Variants in ANKRD62 observed in about 807,000 individuals in gnomAD.
The protein encoded by ANKRD62 is ankyrin repeat domain-containing protein 62.
ANKRD62 carries 61 observed loss-of-function variants against 98.8 expected under a neutral mutation model. That is an observed-to-expected ratio of 0.62 (90% CI 0.50 to 0.76). The LOEUF (loss-of-function observed/expected upper bound fraction) is 0.76, where lower values mean the gene tolerates loss of function less well. Ranked by LOEUF, ANKRD62 falls within the 30% of genes least tolerant of loss-of-function variation. The probability of loss-of-function intolerance (pLI) is 0.00; values close to 1 mark genes in which losing one functional copy is unlikely to be tolerated. For missense variants in ANKRD62, 933 were observed against 1,082.9 expected, an observed-to-expected ratio of 0.86 and a Z score of 1.94; for synonymous variants, 341 against 367.9, an observed-to-expected ratio of 0.93 and a Z score of 0.84.
At chr18:12,161,421 T>C in the ANKRD62 span, among the ~76,000 whole-genome samples, 4 of 152,252 alleles carry the variant, frequency 2.6e-5, no homozygotes, top group East Asian at 5.8e-4. Flanking sequence ...GAGTACATAG[T>C]AGGTATATAT....
Position 12,095,482 on chromosome 18 carries a change from C to G in ANKRD62, c.379C>G (p.His127Asp). ...AGTTTGTGCATCCATCCTGCTGGAACATGGCGCCAACCCAAATGTTAGAGA... is the reference window on the plus strand; with the variant it reads ...AGTTTGTGCATCCATCCTGCTGGAAGATGGCGCCAACCCAAATGTTAGAGA... ...EEVCASILLE[H>D]GANPNVRDMY... The change falls in exon 3 of 14, where the codon CAT (histidine) becomes GAT (aspartate). Residue 127 changes from histidine to aspartate, a missense_variant. By Grantham distance (81) the His-to-Asp change is moderately conservative. Coordinates refer to ENST00000587848, the MANE Select transcript of ANKRD62 (RefSeq NM_001277333.2). 6.3e-7 allele frequency: 1 copy of G among 1,575,670 alleles called. No individual in the cohort carries two copies. Among genetic ancestry groups the G allele is most frequent in the Non-Finnish European group, 8.6e-7 (1 of 1,166,048 alleles).
the ANKRD62 span, among the ~76,000 whole-genome samples, chr18:12,156,301 GA>G: frequency 6.6e-6 from 1 of 152,102 alleles, no homozygotes; most frequent in Non-Finnish European, 1.5e-5. Context: ...GTAGCAACAT[GA>G]GAAGAACTAA....
chr18:12,175,419 G>T, the ANKRD62 span, among the ~76,000 whole-genome samples: 1 of 152,114 alleles, frequency 6.6e-6, no homozygotes, highest in Non-Finnish European at 1.5e-5. Context: ...ACAGGGTGGG[G>T]TGTATGCACA....
Position 12,096,184 on chromosome 18 carries a change from G to A in ANKRD62, c.508-12G>A. 7 of 1,480,176 alleles carry A rather than the reference G, an allele frequency of 4.7e-6. No individual in the cohort carries two copies. Among genetic ancestry groups the A allele is most frequent in the Non-Finnish European group, 6.4e-6 (7 of 1,102,068 alleles). The allele number at this position is 1,480,176 out of a possible 1,614,324, so 91.7% of individuals were successfully genotyped here. ...ATTTTGTGAATTATAAATTGTTTTT[G>A]CTGTTTTGCAGGATGGACATACATC... On this transcript the variant is annotated splice_polypyrimidine_tract_variant and intron_variant, in intron 3 of 13. Coordinates refer to ENST00000587848, the MANE Select transcript of ANKRD62 (RefSeq NM_001277333.2).
At chr18:12,167,757 A>C in the ANKRD62 span, among the ~76,000 whole-genome samples, 1 of 152,178 alleles carries the variant, frequency 6.6e-6, no homozygotes, top group Admixed American at 6.5e-5. Flanking sequence ...CAAAAGTGTA[A>C]AAGCATTCCT....
chr18:12,153,636 A>C, the ANKRD62 span, among the ~76,000 whole-genome samples: 2 of 150,792 alleles, frequency 1.3e-5, no homozygotes, highest in Non-Finnish European at 1.5e-5. Flanking sequence ...ATGATTTTAA[A>C]GTTCATATGG....
rs558157586 is a variant in ANKRD62 at position 12,104,862 on chromosome 18, A to G, written c.891+1634A>G. On this transcript the variant is annotated intron_variant, in intron 7 of 13. Transcript: ENST00000587848. Reference sequence around the variant, plus strand: ...GGCCTCCAGAATTTGCTTGCCAGTCATCTTCTGATTTTTATTTAAATGAAA... The same window carrying G: ...GGCCTCCAGAATTTGCTTGCCAGTCGTCTTCTGATTTTTATTTAAATGAAA... Among the ~76,000 whole-genome samples, 30 of 152,308 alleles carry G rather than the reference A, an allele frequency of 2.0e-4. No individual in the cohort carries two copies. In the South Asian group the frequency reaches 6.2e-3, roughly 32 times the overall value.
chr18:12,106,223 T>C (rs193074842), intron 7 of ANKRD62, among the ~76,000 whole-genome samples: 9 of 152,354 alleles, frequency 5.9e-5, no homozygotes, highest in Admixed American at 3.9e-4. Flanking sequence ...GATCTTAATG[T>C]GATTTTGTTT....
At chr18:12,161,409 G>A in the ANKRD62 span, among the ~76,000 whole-genome samples, 1 of 151,484 alleles carries the variant, frequency 6.6e-6, no homozygotes, top group African/African-American at 2.4e-5. Context: ...TTTTTATTTT[G>A]TGAGTACATA....
chr18:12,095,384 C>T, intron 2 of ANKRD62, 53 bp from the exon 3 acceptor site: 1 of 1,537,926 alleles, frequency 6.5e-7, no homozygotes, highest in Non-Finnish European at 8.7e-7. Flanking sequence ...TTGGTGAATC[C>T]TGTGGAAGAT....
intron 6 of ANKRD62, among the ~76,000 whole-genome samples, chr18:12,100,186 A>G (rs1288808153): frequency 6.6e-6 from 1 of 152,184 alleles, no homozygotes; most frequent in African/African-American, 2.4e-5. Flanking sequence ...CTTATTGTTG[A>G]CTAGAAACCT....
At chr18:12,169,060 A>T in the ANKRD62 span, among the ~76,000 whole-genome samples, 1 of 152,296 alleles carries the variant, frequency 6.6e-6, no homozygotes, top group East Asian at 1.9e-4. Flanking sequence ...TTCTAAGTAT[A>T]CGATCATGTC....
chr18:12,156,336 T>C, the ANKRD62 span, among the ~76,000 whole-genome samples: 2 of 152,112 alleles, frequency 1.3e-5, no homozygotes, highest in Non-Finnish European at 2.9e-5. Flanking sequence ...TCAAAAATAT[T>C]CTCCAACTCC....
At chr18:12,173,821 A>G in the ANKRD62 span, among the ~76,000 whole-genome samples, 1 of 152,194 alleles carries the variant, frequency 6.6e-6, no homozygotes, top group African/African-American at 2.4e-5. Context: ...TGGCCTTCAC[A>G]TCTCTTTGGC....
At chr18:12,170,291 A>G in the ANKRD62 span, among the ~76,000 whole-genome samples, 1 of 152,086 alleles carries the variant, frequency 6.6e-6, no homozygotes, top group African/African-American at 2.4e-5. Context: ...CCCTCTACAC[A>G]CTGCTTTGAA....
chr18:12,174,963 C>T, the ANKRD62 span, among the ~76,000 whole-genome samples: 1 of 152,276 alleles, frequency 6.6e-6, no homozygotes, highest in African/African-American at 2.4e-5. Context: ...GCAGGATTCT[C>T]ATTTGCATGT....
intron 10 of ANKRD62, 62 bp from the exon 11 acceptor site, chr18:12,122,241 T>C: frequency 8.0e-7 from 1 of 1,248,922 alleles, no homozygotes. Flanking sequence ...AAATGCATAG[T>C]CCTTTATATT....
chr18:12,158,872 G>A, the ANKRD62 span, among the ~76,000 whole-genome samples: 1 of 152,122 alleles, frequency 6.6e-6, no homozygotes, highest in South Asian at 2.1e-4. Context: ...AAATATTTCA[G>A]CTGGGCTTCG....
the ANKRD62 span, among the ~76,000 whole-genome samples, chr18:12,141,316 C>T: frequency 6.6e-6 from 1 of 152,172 alleles, no homozygotes; most frequent in Non-Finnish European, 1.5e-5. Flanking sequence ...TGAGGTGATG[C>T]CTCGCCCTGC....
Sources: allele counts gnomAD v4.1 joint callset (sites outside exome capture counted in the v4.1 genomes callset), GRCh38; gene constraint gnomAD v4.1.1; transcripts MANE v1.5; gene names NCBI Gene and HGNC (gene_info 2026-07-23, HGNC 2026-07-21).